CAND2: variants seen among roughly 807,000 people sequenced by gnomAD.
The protein encoded by CAND2 is cullin-associated NEDD8-dissociated protein 2.
A neutral mutation model predicts 98.9 loss-of-function variants in CAND2; 62 were observed. The observed-to-expected ratio is 0.63, with a 90% CI of 0.51 to 0.77. The LOEUF is 0.77. Ranked by LOEUF, CAND2 falls within the 30% of genes least tolerant of loss-of-function variation. CAND2 has a pLI of 0.00. For synonymous variants in CAND2, 770 were observed against 731.9 expected (o/e 1.05, Z -0.84); for missense variants, 1,501 against 1,655.2 (o/e 0.91, Z 1.62).
intron 7 of CAND2, 21 bp downstream of exon 7, chr3:12,813,409 T>TG (rs746182506): frequency 1.9e-6 from 3 of 1,608,368 alleles, no homozygotes; most frequent in Non-Finnish European, 2.5e-6. Context: ...AGCCCATCAT[T>TG]GGGGTTGGAG....
At chr3:12,824,758 AT>A (rs1436503671) in intron 11 of CAND2, among the ~76,000 whole-genome samples, 1 of 152,138 alleles carries the variant, frequency 6.6e-6, no homozygotes, top group Non-Finnish European at 1.5e-5. Context: ...AAATACAAAA[AT>A]TAGCCAGGCA....
Position 12,816,713 on chromosome 3 carries a change from G to C in CAND2, c.1781G>C (p.Cys594Ser). 6.2e-7 allele frequency: 1 copy of C among 1,613,656 alleles called. No individual in the cohort carries two copies. Among genetic ancestry groups the C allele is most frequent in the South Asian group, 1.1e-5 (1 of 91,086 alleles). Residue 594 changes from cysteine (C) to serine (S), a missense_variant, in exon 10 of 15, where the codon TGC (cysteine) becomes TCC (serine). Cys to Ser is a moderately radical substitution (Grantham distance 112, BLOSUM62 -1). Transcript: ENST00000456430. The stretch of plus-strand genomic sequence containing the variant: ...GAGGTGAAGGAGCGGGCCATTTCCT[G>C]CATGGGCCACCTTGTAGGCCACCTG... Reference protein sequence around the residue: ...DQEVKERAISCMGHLVGHLGD... With the variant: ...DQEVKERAISSMGHLVGHLGD...
chr3:12,820,221 C>A, intron 11 of CAND2, 40 bp downstream of exon 11: 1 of 1,456,076 alleles, frequency 6.9e-7, no homozygotes. Context: ...TGTTCAGTGC[C>A]CCCACCCAGT....
chr3:12,825,353 C>G, intron 11 of CAND2, 117 bp from the exon 12 acceptor site: 1 of 978,472 alleles, frequency 1.0e-6, no homozygotes. Flanking sequence ...CCACACCCAG[C>G]TTACCCCCAT....
chr3:12,821,485 C>T (rs371240947), intron 11 of CAND2, among the ~76,000 whole-genome samples: 7 of 152,180 alleles, frequency 4.6e-5, no homozygotes, highest in African/African-American at 7.2e-5. Context: ...CAGACGTGAC[C>T]GTGTTCTGCA....
At chr3:12,831,612 C>T (rs939958982) in intron 14 of CAND2, 40 bp downstream of exon 14, 10 of 1,371,814 alleles carry the variant, frequency 7.3e-6, no homozygotes, top group Admixed American at 2.0e-5. Context: ...CCCTGGAGCA[C>T]CTATGGAGTC....
rs1277113833 is a variant in CAND2, at chr3:12,815,586, G to C, written c.1299+153G>C. 1.3e-5 allele frequency among the ~76,000 whole-genome samples: 2 copies of C among 152,218 alleles called. No homozygotes were observed. Among genetic ancestry groups the C allele is most frequent in the Non-Finnish European group, 2.9e-5 (2 of 68,046 alleles). On this transcript the variant is annotated intron_variant, in intron 8 of 14. Transcript: ENST00000456430. This position sits in a 1 kb window ranked among gnomAD's most constrained non-coding sequence, Gnocchi z 5.7. ...GGGGTGGGGGGCGGGAGCCAGCCAG[G>C]CTTCTGGAGTGTAGTAGTGACAGCC...
Position 12,817,095 on chromosome 3 carries a change from G to T in CAND2, c.2163G>T (p.Val721=). Residue 721 remains valine (V), a synonymous_variant, in exon 10 of 15, where the codon GTG becomes GTT. Coordinates refer to ENST00000456430, the MANE Select transcript of CAND2 (RefSeq NM_001162499.2). ...AQLAVDFLAT[V]TQAQPASLVE... is the part of the protein sequence containing the mutation. Reference sequence around the variant, plus strand: ...TGGCTGTGGACTTCCTTGCCACAGTGACCCAGGCCCAGCCAGCCTCTTTGG... The same window carrying T: ...TGGCTGTGGACTTCCTTGCCACAGTTACCCAGGCCCAGCCAGCCTCTTTGG... 6.2e-7 allele frequency: 1 copy of T among 1,612,944 alleles called. No homozygotes were observed. Among genetic ancestry groups the T allele is most frequent in the South Asian group, 1.1e-5 (1 of 91,078 alleles).
In CAND2 at chr3:12,813,390, T is replaced by C. The variant is rs1575770038; in HGVS notation, c.1006+2T>C. 1 of 1,612,516 alleles carries C rather than the reference T, an allele frequency of 6.2e-7. No homozygotes were observed. ...AGGATAGTGAATTCAGTGAGCAAGG[T>C]TGGTGGACAGCCCATCATTGGGGTT... On this transcript the variant is annotated splice_donor_variant, in intron 7 of 14. Coordinates refer to ENST00000456430, the MANE Select transcript of CAND2 (RefSeq NM_001162499.2). LOFTEE classifies it high-confidence loss of function.
At chr3:12,823,451 G>A (rs577827271) in intron 11 of CAND2, among the ~76,000 whole-genome samples, 4 of 151,958 alleles carry the variant, frequency 2.6e-5, no homozygotes, top group African/African-American at 7.2e-5. Context: ...GGTGTAGGCT[G>A]GGCGCGGTGG....
At position 12,833,841 on chromosome 3, in the gene CAND2, C is replaced by T; in HGVS notation, c.3570C>T (p.Thr1190=). The change falls in exon 15 of 15, where the codon ACC becomes ACT. Residue 1190 remains threonine, a synonymous_variant. Transcript: ENST00000456430. ...SAMRAVAALL[T]IPEVGKSPIM... ...TGAGGGCAGTGGCTGCCCTGCTGAC[C>T]ATCCCCGAGGTGGGGAAAAGCCCCA... is the stretch of plus-strand genomic sequence containing the variant. The T allele has an allele frequency of 6.2e-7, 1 of 1,614,154 alleles. No individual in the cohort carries two copies. The highest frequency in any genetic ancestry group is 8.5e-7 in the Non-Finnish European group (1 of 1,179,984).
chr3:12,814,108 G>C (rs2061876972), intron 7 of CAND2, among the ~76,000 whole-genome samples: 1 of 152,246 alleles, frequency 6.6e-6, no homozygotes, highest in Non-Finnish European at 1.5e-5. Flanking sequence ...AAGGATGTGT[G>C]TTCGTGGGTG....
At chr3:12,800,645 A>G (rs1271406899) in intron 1 of CAND2, among the ~76,000 whole-genome samples, 1 of 152,208 alleles carries the variant, frequency 6.6e-6, no homozygotes, top group Non-Finnish European at 1.5e-5. Context: ...CTAATCAGGT[A>G]TTGTCACCAG....
chr3:12,831,887 G>T (rs1329233430), intron 14 of CAND2, among the ~76,000 whole-genome samples: 1 of 152,164 alleles, frequency 6.6e-6, no homozygotes, highest in African/African-American at 2.4e-5. Context: ...AGATACTAAA[G>T]ATGTAACATT....
In CAND2 at chr3:12,803,075, C is replaced by T. The variant is rs2004577; in HGVS notation, c.69-413C>T. ...CATGATCTTGGCTCACTGCAAGCTC[C>T]GCCTCCCGGGTTCACGCCATTCTCC... is the stretch of plus-strand genomic sequence containing the variant. On this transcript the variant is annotated intron_variant, in intron 1 of 14. Transcript: ENST00000456430. Among the ~76,000 whole-genome samples, 154 of 151,320 alleles carry T rather than the reference C, an allele frequency of 1.0e-3. 1 individual carries two copies. The East Asian group carries it at 0.028, about 28-fold the overall frequency.
At chr3:12,812,284 C>T (rs113489983) in intron 5 of CAND2, among the ~76,000 whole-genome samples, 13 of 138,896 alleles carry the variant, frequency 9.4e-5, no homozygotes, top group Non-Finnish European at 1.5e-4. Flanking sequence ...AGTACGGTGA[C>T]GCTATCTTGT....
rs1341238486 is a variant in CAND2 at position 12,817,221 on chromosome 3, C to T, written c.2289C>T (p.Ala763=). The change falls in exon 10 of 15, where the codon GCC becomes GCT. Residue 763 remains alanine (A), a synonymous_variant. Transcript: ENST00000456430. ...VLAAAEGFLQ[A]LVGTRPPCVD... ...CAGCTGCTGAAGGCTTCCTGCAGGC[C>T]CTGGTAGGGACCCGTCCCCCGTGTG... The T allele has an allele frequency of 6.2e-7, 1 of 1,613,584 alleles. No individual in the cohort carries two copies. Among genetic ancestry groups the T allele is most frequent in the African/African-American group, 1.3e-5 (1 of 74,936 alleles).
chr3:12,801,463 C>T (rs865857513), intron 1 of CAND2, among the ~76,000 whole-genome samples: 2 of 152,234 alleles, frequency 1.3e-5, no homozygotes, highest in African/African-American at 4.8e-5. Flanking sequence ...TGCTCCTACC[C>T]TCTTAATTTT....
chr3:12,831,164 G>GCCCCAGCAGCCCCCTTCACTCAT (rs2062050836), intron 13 of CAND2, among the ~76,000 whole-genome samples: 2 of 152,110 alleles, frequency 1.3e-5, no homozygotes, highest in South Asian at 4.1e-4. Context: ...AGCCAGAGCT[G>GCCCCAGCAGCCCCCTTCACTCAT]CCCCAGCAGC....
Sources: gnomAD v4.1 joint callset for allele counts (sites outside exome capture counted in the v4.1 genomes callset) on GRCh38, gnomAD v4.1.1 for gene constraint, Gnocchi (gnomAD v3.1) non-coding constraint, MANE v1.5 for transcripts, NCBI Gene and HGNC (gene_info 2026-07-23, HGNC 2026-07-21) for gene names.